LARGE1: variants seen among roughly 807,000 people sequenced by gnomAD.
The protein encoded by LARGE1 is xylosyl- and glucuronyltransferase LARGE1.
In LARGE1, 43 loss-of-function variants were observed where a neutral mutation model predicts 87.6. The observed-to-expected ratio is 0.49, with a 90% CI of 0.38 to 0.63. The LOEUF (loss-of-function observed/expected upper bound fraction) is 0.63. Among genes scored for constraint, LARGE1 ranks in the 30% least tolerant of loss-of-function variants. LARGE1 has a pLI of 0.00. For synonymous variants in LARGE1, 434 were observed against 394.6 expected (o/e 1.10, Z -1.18); for missense variants, 802 against 1,000.2 (o/e 0.80, Z 2.67).
intron 1 of LARGE1, among the ~76,000 whole-genome samples, chr22:33,852,848 T>C (rs1486603035): frequency 1.1e-5 from 1 of 93,610 alleles, no homozygotes; most frequent in East Asian, 3.5e-4. Context: ...ACAGCGAGAC[T>C]CCGTCTCCAA....
rs185553662 is a variant in LARGE1, at chr22:33,604,744, G to T, written c.492-186C>A. On this transcript the variant is annotated intron_variant, in intron 4 of 14. Coordinates refer to ENST00000397394, the MANE Select transcript of LARGE1 (RefSeq NM_133642.5). Reference sequence around the variant, plus strand: ...GCTGCAGGAGCTGAAAAGGAGAGAAGTCATCTCACCCAACCTCTGTGACTC... The same window carrying T: ...GCTGCAGGAGCTGAAAAGGAGAGAATTCATCTCACCCAACCTCTGTGACTC... Among the ~76,000 whole-genome samples, 10 of 152,234 alleles carry T rather than the reference G, an allele frequency of 6.6e-5. No individual in the cohort carries two copies. In the East Asian group the frequency reaches 1.7e-3, roughly 27 times the overall value.
chr22:33,503,263 T>C (rs1202535028), intron 6 of LARGE1, among the ~76,000 whole-genome samples: 3 of 150,962 alleles, frequency 2.0e-5, no homozygotes, highest in East Asian at 2.0e-4. Context: ...TTTTTTGTTT[T>C]TTTTTTTGTT....
rs184163121 is a variant in LARGE1 at position 33,452,447 on chromosome 22, C to T, written c.788-20182G>A. On this transcript the variant is annotated intron_variant, in intron 6 of 14. Coordinates refer to ENST00000397394, the MANE Select transcript of LARGE1 (RefSeq NM_133642.5). ...AGAGAAGGTAGAGGTGGTGGCTTCT[C>T]CTCCAGGAAGGGGCCCATGGCAGGC... Among the ~76,000 whole-genome samples, 612 of 152,276 alleles carry T rather than the reference C, an allele frequency of 4.0e-3. 5 individuals are homozygous for T. The highest frequency in any genetic ancestry group is 0.014 in the African/African-American group (576 of 41,556).
the LARGE1 span, among the ~76,000 whole-genome samples, chr22:33,120,357 T>TC: frequency 9.3e-3 from 817 of 87,384 alleles, 8 homozygotes; most frequent in African/African-American, 0.039. Context: ...CTTTTCTTTC[T>TC]TTTTCTTTCT....
chr22:33,706,310 G>A (rs546624183), intron 2 of LARGE1, among the ~76,000 whole-genome samples: 15 of 152,256 alleles, frequency 9.9e-5, no homozygotes, highest in Admixed American at 4.6e-4. Context: ...CCAGGGTACC[G>A]CCTCCAATGG....
intron 6 of LARGE1, among the ~76,000 whole-genome samples, chr22:33,550,926 C>A (rs2077506211): frequency 6.6e-6 from 1 of 152,152 alleles, no homozygotes; most frequent in Non-Finnish European, 1.5e-5. Context: ...AGGTTACTGT[C>A]TAAGTGAAAC....
intron 2 of LARGE1, among the ~76,000 whole-genome samples, chr22:33,733,979 T>C (rs567713129): frequency 1.3e-5 from 2 of 152,246 alleles, no homozygotes; most frequent in African/African-American, 2.4e-5. Context: ...GCTAGGAGAC[T>C]GAGATCAAAC....
chr22:33,474,923 AAAG>A (rs1196789372), intron 6 of LARGE1, among the ~76,000 whole-genome samples: 5 of 152,176 alleles, frequency 3.3e-5, no homozygotes, highest in Non-Finnish European at 5.9e-5. Context: ...AACTGGCTGA[AAAG>A]AAGAGAGCTG....
At chr22:33,921,327 C>T (rs768305946), upstream of LARGE1, among the ~76,000 whole-genome samples, 1 of 152,216 alleles carries the variant, frequency 6.6e-6, no homozygotes, top group South Asian at 2.1e-4. This position sits in a 1 kb window ranked among gnomAD's most constrained non-coding sequence, Gnocchi z 4.1. Context: ...TTCCCCCAAC[C>T]CCGGCGGCTC....
intron 11 of LARGE1, among the ~76,000 whole-genome samples, chr22:33,199,249 T>C (rs1277494996): frequency 6.6e-6 from 1 of 152,140 alleles, no homozygotes; most frequent in African/African-American, 2.4e-5. Flanking sequence ...TTGTAGATTC[T>C]AGATATTAGT....
At chr22:33,337,536 G>T in intron 10 of LARGE1, 110 bp downstream of exon 10, 1 of 1,327,522 alleles carries the variant, frequency 7.5e-7, no homozygotes, top group Non-Finnish European at 1.1e-6. Flanking sequence ...ATGGCGTTGT[G>T]TTCACCTAGG....
chr22:33,636,534 T>C (rs747995311), intron 3 of LARGE1, among the ~76,000 whole-genome samples: 1 of 152,158 alleles, frequency 6.6e-6, no homozygotes, highest in Non-Finnish European at 1.5e-5. Context: ...GTAATAAATG[T>C]GTCAACTATT....
At chr22:33,881,952 C>T (rs1020304640) in intron 1 of LARGE1, among the ~76,000 whole-genome samples, 34 of 152,142 alleles carry the variant, frequency 2.2e-4, no homozygotes, top group Non-Finnish European at 4.6e-4. Flanking sequence ...TCCAATAGCA[C>T]TTTAACAGAG....
At chr22:33,627,176 T>A (rs1434776902) in intron 3 of LARGE1, among the ~76,000 whole-genome samples, 4 of 152,234 alleles carry the variant, frequency 2.6e-5, no homozygotes. Context: ...TTACGCCCTC[T>A]AAGCTACTGG....
Position 33,246,583 on chromosome 22 carries a change from T to C in LARGE1, c.1730+57646A>G, listed in dbSNP as rs1029721766. On this transcript the variant is annotated intron_variant, in intron 11 of 11. Transcript: ENST00000608642. ...ATAGATTGAACCCAAGAGGTGGAGGTTGCAGTGAGCCGAGATCGCACCACT... is the reference window on the plus strand; with the variant it reads ...ATAGATTGAACCCAAGAGGTGGAGGCTGCAGTGAGCCGAGATCGCACCACT... Among the ~76,000 whole-genome samples the C allele has an allele frequency of 7.9e-5, 12 of 151,964 alleles. 1 individual carries two copies. In the East Asian group the frequency reaches 2.3e-3, roughly 29 times the overall value.
At chr22:33,421,211 AATC>A (rs2066683207) in intron 7 of LARGE1, among the ~76,000 whole-genome samples, 1 of 52,776 alleles carries the variant, frequency 1.9e-5, no homozygotes, top group Non-Finnish European at 4.4e-5. Context: ...AATAAAATAA[AATC>A]AATCAATCAA....
intron 11 of LARGE1, among the ~76,000 whole-genome samples, chr22:33,239,038 ATAAAT>A (rs1205304793): frequency 2.6e-5 from 4 of 152,142 alleles, no homozygotes; most frequent in African/African-American, 9.6e-5. Flanking sequence ...CAAAAAACAA[ATAAAT>A]TAAAACTTTG....
the LARGE1 span, among the ~76,000 whole-genome samples, chr22:33,138,666 A>T: frequency 1.2e-4 from 18 of 151,778 alleles, no homozygotes; most frequent in African/African-American, 4.4e-4. Flanking sequence ...CTGGTCTCAA[A>T]CTCCTGACCT....
At chr22:33,358,549 T>C (rs971978033) in intron 9 of LARGE1, among the ~76,000 whole-genome samples, 1 of 152,202 alleles carries the variant, frequency 6.6e-6, no homozygotes, top group African/African-American at 2.4e-5. Flanking sequence ...ATGCTATAAA[T>C]TGCCCCTAAG....
Sources: allele counts gnomAD v4.1 joint callset (sites outside exome capture counted in the v4.1 genomes callset), GRCh38; gene constraint gnomAD v4.1.1; non-coding constraint Gnocchi (gnomAD v3.1); transcripts MANE v1.5; gene names NCBI Gene and HGNC (gene_info 2026-07-23, HGNC 2026-07-21).